The following MYO3B variants were observed in gnomAD, a reference collection of about 807,000 sequenced individuals.
MYO3B encodes myosin-IIIb.
MYO3B carries 156 observed loss-of-function variants against 174.6 expected under a neutral mutation model. The observed-to-expected ratio is 0.89, with a 90% CI of 0.78 to 1.02. The LOEUF is 1.02. MYO3B is among the 50% of genes least tolerant of loss of function. MYO3B has a pLI of 0.00. For missense variants in MYO3B, 1,632 were observed against 1,639.4 expected, an observed-to-expected ratio of 1.00 and a Z score of 0.08; for synonymous variants, 563 against 569.1, an observed-to-expected ratio of 0.99 and a Z score of 0.15.
intron 32 of MYO3B, among the ~76,000 whole-genome samples, chr2:170,563,498 C>G (rs537381193): frequency 3.3e-5 from 5 of 152,160 alleles, no homozygotes; most frequent in Non-Finnish European, 7.3e-5. Context: ...TTCTTTGTCC[C>G]TTTCTTCCAT....
At chr2:170,546,952 C>G (rs935541873) in intron 32 of MYO3B, among the ~76,000 whole-genome samples, 3 of 152,118 alleles carry the variant, frequency 2.0e-5, no homozygotes, top group Non-Finnish European at 4.4e-5. Flanking sequence ...TACTCCATCT[C>G]AAGCTCAGCT....
chr2:170,203,942 T>G (rs189624505), intron 3 of MYO3B, among the ~76,000 whole-genome samples: 102 of 152,196 alleles, frequency 6.7e-4, no homozygotes, highest in Admixed American at 1.7e-3. Context: ...GAGAGAGAGT[T>G]AAGAGGCTGA....
At chr2:170,649,979 A>G (rs1698877357) in intron 32 of MYO3B, 1 of 145,086 alleles carries the variant, frequency 6.9e-6, no homozygotes, top group African/African-American at 2.5e-5. Context: ...TTCTCTTCTG[A>G]AAAAAAAAAT....
chr2:170,351,037 AGGAAGGCAGGAAGGAAG>A (rs2094063009), intron 8 of MYO3B: 1 of 152,112 alleles, frequency 6.6e-6, no homozygotes, highest in South Asian at 2.1e-4. Flanking sequence ...GGAAGGAAGA[AGGAAGGCAGGAAGGAAG>A]GGAAGGCAGG....
intron 7 of MYO3B, among the ~76,000 whole-genome samples, chr2:170,251,062 C>A (rs913098474): frequency 1.3e-5 from 2 of 151,996 alleles, no homozygotes; most frequent in African/African-American, 4.8e-5. Context: ...GGTATTCGGG[C>A]TTGAGGGTGG....
intron 7 of MYO3B, among the ~76,000 whole-genome samples, chr2:170,251,082 C>T (rs2093247879): frequency 6.6e-6 from 1 of 152,060 alleles, no homozygotes; most frequent in African/African-American, 2.4e-5. Flanking sequence ...GGGCCTTTGC[C>T]AGGGAACCGC....
chr2:170,400,530 G>A (rs1454129605), intron 17 of MYO3B, among the ~76,000 whole-genome samples: 1 of 151,282 alleles, frequency 6.6e-6, no homozygotes, highest in Non-Finnish European at 1.5e-5. Context: ...TCAGCCTCCA[G>A]AGTAGCTTGG....
intron 22 of MYO3B, among the ~76,000 whole-genome samples, chr2:170,416,818 G>GTTTTTTTTT (rs552594236): frequency 5.2e-5 from 6 of 116,124 alleles, no homozygotes; most frequent in South Asian, 5.5e-4. Context: ...TTTTTCTGTT[G>GTTTTTTTTT]TTTTTTTTTT....
At chr2:170,328,683 G>A (rs2093887389) in intron 7 of MYO3B, among the ~76,000 whole-genome samples, 1 of 152,026 alleles carries the variant, frequency 6.6e-6, no homozygotes, top group South Asian at 2.1e-4. Context: ...CAACCTAAAT[G>A]TTCACCAATA....
At chr2:170,413,560 G>A (rs753229492) in intron 22 of MYO3B, among the ~76,000 whole-genome samples, 3 of 152,154 alleles carry the variant, frequency 2.0e-5, no homozygotes, top group Non-Finnish European at 2.9e-5. Context: ...ACTAGTGAGA[G>A]CCAGGGTGCA....
intron 32 of MYO3B, among the ~76,000 whole-genome samples, chr2:170,545,731 C>T (rs1165460309): frequency 6.6e-6 from 1 of 152,170 alleles, no homozygotes; most frequent in Non-Finnish European, 1.5e-5. Flanking sequence ...AGAGTTGTCT[C>T]TTCCTTCCAG....
intron 28 of MYO3B, among the ~76,000 whole-genome samples, chr2:170,513,141 T>C (rs1224344336): frequency 6.6e-6 from 1 of 152,184 alleles, no homozygotes; most frequent in Non-Finnish European, 1.5e-5. Context: ...CTTGATCTTG[T>C]CCTTCTCTTT....
intron 8 of MYO3B, among the ~76,000 whole-genome samples, chr2:170,349,086 GGGT>G (rs1229872674): frequency 6.6e-6 from 1 of 152,116 alleles, no homozygotes; most frequent in African/African-American, 2.4e-5. Context: ...AGTGCTTACA[GGGT>G]GCACTAAAAC....
intron 30 of MYO3B, among the ~76,000 whole-genome samples, chr2:170,535,627 T>C (rs962529010): frequency 3.3e-5 from 5 of 152,234 alleles, no homozygotes; most frequent in Admixed American, 3.3e-4. Context: ...TTATGACCTA[T>C]GTTACTCAAA....
intron 32 of MYO3B, among the ~76,000 whole-genome samples, chr2:170,594,827 GCACA>G (rs3047151): frequency 0.13 from 18,056 of 135,028 alleles, 1,141 homozygotes; most frequent in South Asian, 0.28. Context: ...CCCAGCGCGC[GCACA>G]CACACACACA....
At chr2:170,461,772 G>A (rs981858627) in intron 23 of MYO3B, among the ~76,000 whole-genome samples, 1 of 30,870 alleles carries the variant, frequency 3.2e-5, no homozygotes, top group East Asian at 9.3e-4. Context: ...GTGAAACTCC[G>A]TTTAAAAAAA....
intron 8 of MYO3B, chr2:170,348,557 G>A (rs1285835133): frequency 6.6e-6 from 1 of 151,998 alleles, no homozygotes; most frequent in Non-Finnish European, 1.5e-5. Context: ...TATATTTTGA[G>A]GCAGAATATC....
At chr2:170,576,895 T>C (rs1692821361) in intron 32 of MYO3B, among the ~76,000 whole-genome samples, 1 of 152,150 alleles carries the variant, frequency 6.6e-6, no homozygotes, top group Non-Finnish European at 1.5e-5. Flanking sequence ...TAGTTTTCTG[T>C]AAACCTTTAC....
chr2:170,314,269 G>A lies in MYO3B; in HGVS notation c.750-21116G>A, dbSNP rs112441348. Among the ~76,000 whole-genome samples the A allele has an allele frequency of 4.9e-3, 746 of 152,256 alleles. 10 individuals are homozygous for A. Among genetic ancestry groups the A allele is most frequent in the African/African-American group, 0.017 (700 of 41,532 alleles). The stretch of plus-strand genomic sequence containing the variant: ...CCTGTATGAGGGCAAAATAGGCTCC[G>A]TTTCATTAATTCATGTATATGTTCA... On this transcript the variant is annotated intron_variant, in intron 7 of 34. Coordinates refer to ENST00000408978, the MANE Select transcript of MYO3B (RefSeq NM_138995.5).
Sources: allele counts gnomAD v4.1 joint callset (sites outside exome capture counted in the v4.1 genomes callset), GRCh38; gene constraint gnomAD v4.1.1; transcripts MANE v1.5; gene names NCBI Gene and HGNC (gene_info 2026-07-23, HGNC 2026-07-21).